Variants in DDHD1 observed in about 807,000 individuals in gnomAD.
The protein encoded by DDHD1 is phospholipase DDHD1.
A neutral mutation model predicts 96.4 loss-of-function variants in DDHD1; 49 were observed. That is an observed-to-expected ratio of 0.51 (90% confidence interval 0.40 to 0.64). DDHD1 has a LOEUF of 0.64. Ranked by LOEUF, DDHD1 falls within the 30% of genes least tolerant of loss-of-function variation. The probability of loss-of-function intolerance (pLI) is 0.00; values close to 1 mark genes in which losing one functional copy is unlikely to be tolerated. For missense variants in DDHD1, 1,106 were observed against 1,161.2 expected (o/e 0.95, Z 0.69); for synonymous variants, 442 against 446.5 (o/e 0.99, Z 0.13).
intron 4 of DDHD1, among the ~76,000 whole-genome samples, chr14:53,087,000 G>T (rs1262682891): frequency 2.1e-5 from 3 of 142,330 alleles, no homozygotes; most frequent in Non-Finnish European, 4.5e-5. Context: ...AAAAAGCAGG[G>T]ATTGCAATCC....
At chr14:53,075,545 A>G (rs1176228648) in intron 4 of DDHD1, among the ~76,000 whole-genome samples, 1 of 152,180 alleles carries the variant, frequency 6.6e-6, no homozygotes, top group African/African-American at 2.4e-5. Context: ...CATTAACATA[A>G]AAGTGCGAGG....
chr14:53,071,849 C>T (rs1884535392), intron 6 of DDHD1, among the ~76,000 whole-genome samples: 1 of 152,006 alleles, frequency 6.6e-6, no homozygotes, highest in African/African-American at 2.4e-5. Flanking sequence ...ATATTGTGAA[C>T]ACAGAAGAGA....
chr14:53,072,449 A>G, intron 6 of DDHD1, 148 bp downstream of exon 6: 1 of 425,830 alleles, frequency 2.3e-6, no homozygotes. Flanking sequence ...TTTGAAGACT[A>G]TCAAATTTAT....
intron 1 of DDHD1, among the ~76,000 whole-genome samples, chr14:53,109,231 G>A (rs1328392183): frequency 6.6e-6 from 1 of 152,036 alleles, no homozygotes; most frequent in Non-Finnish European, 1.5e-5. Flanking sequence ...TCTCTTCTAG[G>A]AGCAATGCTA....
intron 1 of DDHD1, 142 bp downstream of exon 1, chr14:53,152,119 T>G: frequency 1.4e-5 from 12 of 838,714 alleles, no homozygotes; most frequent in Admixed American, 3.5e-5. Context: ...CGACGCTCCC[T>G]GCTCAATCTC....
At chr14:53,051,576 C>T (rs1445236445) in intron 12 of DDHD1, among the ~76,000 whole-genome samples, 2 of 151,934 alleles carry the variant, frequency 1.3e-5, no homozygotes, top group African/African-American at 4.8e-5. Context: ...AAGAAAATGA[C>T]CTTATGCTTT....
intron 2 of DDHD1, among the ~76,000 whole-genome samples, chr14:53,097,900 T>C (rs2139698421): frequency 6.6e-6 from 1 of 152,062 alleles, no homozygotes; most frequent in Middle Eastern, 3.4e-3. Context: ...GAGAAACATA[T>C]TTAAAACATT....
intron 7 of DDHD1, among the ~76,000 whole-genome samples, chr14:53,061,695 T>C (rs1482965364): frequency 6.6e-6 from 1 of 152,176 alleles, no homozygotes; most frequent in East Asian, 1.9e-4. Context: ...TACTTACATT[T>C]AGTAAACTAT....
At chr14:53,047,050 T>A in intron 12 of DDHD1, 101 bp from the exon 13 acceptor site, 1 of 885,774 alleles carries the variant, frequency 1.1e-6, no homozygotes, top group South Asian at 3.6e-5. Context: ...TAAATAGAAG[T>A]GATTCTGTCA....
intron 1 of DDHD1, among the ~76,000 whole-genome samples, chr14:53,109,585 A>ATG (rs1191140275): frequency 2.6e-5 from 4 of 152,094 alleles, no homozygotes; most frequent in African/African-American, 9.6e-5. Flanking sequence ...GTGTATATAT[A>ATG]TGTGTGTGTG....
chr14:53,082,628 G>A (rs112135529), intron 4 of DDHD1, among the ~76,000 whole-genome samples: 332 of 151,806 alleles, frequency 2.2e-3, no homozygotes, highest in African/African-American at 7.4e-3. Flanking sequence ...GTGTGGTGAC[G>A]TGTGACTGTA....
chr14:53,086,412 G>C (rs1446609290), intron 4 of DDHD1, among the ~76,000 whole-genome samples: 2 of 152,146 alleles, frequency 1.3e-5, no homozygotes, highest in Non-Finnish European at 2.9e-5. Flanking sequence ...GAAAGGTCAG[G>C]TTACCCACAA....
chr14:53,037,509 C>A lies in DDHD1; in HGVS notation c.*9259G>T, dbSNP rs1881349231. The A allele has an allele frequency of 6.6e-6, 1 of 152,020 alleles. No individual in the cohort carries two copies. Among genetic ancestry groups the A allele is most frequent in the South Asian group, 2.1e-4 (1 of 4,822 alleles). 9.4% of individuals were successfully genotyped at this position (152,020 alleles called of 1,614,324 possible). A position where few individuals can be genotyped will look rare whatever the true frequency, so the allele number is the denominator to read the frequency against. Reference sequence around the variant, plus strand: ...CATTTCTCTGATGATTAGTGATGAGCATTTTTTCACGTTTGTTGATTGCTT... The same window carrying A: ...CATTTCTCTGATGATTAGTGATGAGAATTTTTTCACGTTTGTTGATTGCTT... On this transcript the variant is annotated 3_prime_UTR_variant, in exon 13 of 13. Coordinates refer to ENST00000673822, the MANE Select transcript of DDHD1 (RefSeq NM_001160148.2).
rs570475344 is a variant in DDHD1 at position 53,115,956 on chromosome 14, T to C, written c.839-12100A>G. On this transcript the variant is annotated intron_variant, in intron 1 of 12. Transcript: ENST00000673822. ...GAAAACTGGATAGAGTCAAGACCCA[T>C]TGGTGTGCTGTATTCAAGAGACCCA... Among the ~76,000 whole-genome samples the C allele has an allele frequency of 3.3e-5, 5 of 152,252 alleles. No individual in the cohort carries two copies. In the East Asian group the frequency reaches 5.8e-4, roughly 18 times the overall value.
intron 4 of DDHD1, among the ~76,000 whole-genome samples, 199 bp downstream of exon 4, chr14:53,091,586 T>C (rs1886431412): frequency 6.6e-6 from 1 of 152,200 alleles, no homozygotes; most frequent in Non-Finnish European, 1.5e-5. Flanking sequence ...GGGAGAAAGA[T>C]CAAACATTGT....
intron 4 of DDHD1, among the ~76,000 whole-genome samples, chr14:53,085,053 G>A (rs540286314): frequency 2.6e-5 from 4 of 152,352 alleles, no homozygotes; most frequent in South Asian, 2.1e-4. Context: ...ACTGCTAGGC[G>A]GCAGCCTGGC....
chr14:53,051,767 A>G, intron 12 of DDHD1, 77 bp downstream of exon 12: 1 of 1,224,544 alleles, frequency 8.2e-7, no homozygotes, highest in Non-Finnish European at 1.2e-6. Context: ...AACTGATCCA[A>G]TTTTTCAATA....
At chr14:53,122,713 C>G (rs1202257447) in intron 1 of DDHD1, among the ~76,000 whole-genome samples, 2 of 151,836 alleles carry the variant, frequency 1.3e-5, no homozygotes, top group Non-Finnish European at 2.9e-5. Flanking sequence ...CACCTGCCAC[C>G]ATGCCTGGCT....
chr14:53,050,522 T>C (rs1219219391), intron 12 of DDHD1, among the ~76,000 whole-genome samples: 2 of 152,136 alleles, frequency 1.3e-5, no homozygotes, highest in Non-Finnish European at 2.9e-5. Context: ...ATTGTACCTA[T>C]GTTTTGCGGT....
Sources: allele counts gnomAD v4.1 joint callset (sites outside exome capture counted in the v4.1 genomes callset), GRCh38; gene constraint gnomAD v4.1.1; transcripts MANE v1.5; gene names NCBI Gene and HGNC (gene_info 2026-07-23, HGNC 2026-07-21).